NPLOC4: variants seen among roughly 807,000 people sequenced by gnomAD.
NPLOC4 encodes nuclear protein localization protein 4 homolog.
A neutral mutation model predicts 80.6 loss-of-function variants in NPLOC4; 18 were observed. That is an observed-to-expected ratio of 0.22 (90% CI 0.15 to 0.33). NPLOC4 has a LOEUF of 0.33. Among genes scored for constraint, NPLOC4 ranks in the 10% least tolerant of loss-of-function variants. The pLI is 1.00. For missense variants in NPLOC4, 540 were observed against 786.1 expected (o/e 0.69, Z 3.74); for synonymous variants, 313 against 301.5 (o/e 1.04, Z -0.39).
At chr17:81,627,584 A>G (rs1405116696) in intron 2 of NPLOC4, among the ~76,000 whole-genome samples, 1 of 151,906 alleles carries the variant, frequency 6.6e-6, no homozygotes, top group Admixed American at 6.6e-5. Flanking sequence ...TATTAAAAAG[A>G]CAAACTTAGC....
At chr17:81,593,566 T>C (rs1467277664) in intron 11 of NPLOC4, among the ~76,000 whole-genome samples, 1 of 151,926 alleles carries the variant, frequency 6.6e-6, no homozygotes, top group Non-Finnish European at 1.5e-5. Context: ...TATTTCTGCA[T>C]AGTAAAGGGG....
At chr17:81,619,661 T>G (rs936683898) in intron 3 of NPLOC4, among the ~76,000 whole-genome samples, 4 of 151,682 alleles carry the variant, frequency 2.6e-5, no homozygotes, top group Non-Finnish European at 4.4e-5. Context: ...GGTGAATCAC[T>G]TGAGGTCAAG....
chr17:81,601,658 A>C (rs879909746), intron 8 of NPLOC4, among the ~76,000 whole-genome samples: 5 of 152,214 alleles, frequency 3.3e-5, no homozygotes, highest in Admixed American at 6.5e-5. Flanking sequence ...CATCCTGAGT[A>C]CAGCACAGTG....
Position 81,606,803 on chromosome 17 carries a change from A to C in NPLOC4, c.542T>G (p.Val181Gly), listed in dbSNP as rs757026400. ...LTGGADKGKF[V>G]ALENISCKIK... Reference sequence around the variant, plus strand: ...CTTGCAGCTGATGTTCTCCAGGGCAACAAACTTCCCCCTACATAGAAGAGA... The same window carrying C: ...CTTGCAGCTGATGTTCTCCAGGGCACCAAACTTCCCCCTACATAGAAGAGA... The change falls in exon 7 of 17, where the codon GTT becomes GGT. Residue 181 changes from valine to glycine, a missense_variant. By Grantham distance (109) the Val-to-Gly change is moderately radical (BLOSUM62 -3). Coordinates refer to ENST00000331134, the MANE Select transcript of NPLOC4 (RefSeq NM_017921.4). The C allele has an allele frequency of 1.2e-6, 2 of 1,610,426 alleles. No individual in the cohort carries two copies. The highest frequency in any genetic ancestry group is 3.4e-5 in the Admixed American group (2 of 59,482).
intron 5 of NPLOC4, among the ~76,000 whole-genome samples, chr17:81,609,882 AATG>A (rs2144239653): frequency 6.6e-6 from 1 of 152,338 alleles, no homozygotes; most frequent in South Asian, 2.1e-4. Flanking sequence ...GTAAATCAAC[AATG>A]ATAAGCACGG....
chr17:81,588,539 A>C (rs9900215), intron 12 of NPLOC4, among the ~76,000 whole-genome samples: 3 of 152,052 alleles, frequency 2.0e-5, no homozygotes, highest in African/African-American at 7.2e-5. Context: ...GTAGAGACAC[A>C]GTCTCGCTAT....
intron 12 of NPLOC4, among the ~76,000 whole-genome samples, chr17:81,574,937 A>G (rs983497802): frequency 6.6e-6 from 1 of 152,194 alleles, no homozygotes; most frequent in Admixed American, 6.5e-5. Context: ...CCAGGACAAC[A>G]GTGAATTCCA....
chr17:81,602,348 AC>A (rs2035078687), intron 8 of NPLOC4, among the ~76,000 whole-genome samples: 2 of 152,144 alleles, frequency 1.3e-5, no homozygotes, highest in African/African-American at 2.4e-5. Context: ...GGAGTTTGAG[AC>A]CAGCGTGGGC....
chr17:81,564,295 C>T (rs1408507426), intron 16 of NPLOC4: 1 of 157,202 alleles, frequency 6.4e-6, no homozygotes, highest in Non-Finnish European at 1.4e-5. Context: ...TAAAAAGCAA[C>T]AACAAAGCCC....
rs186648163 is a variant in NPLOC4 at position 81,558,569 on chromosome 17, G to C, written c.*690C>G. On this transcript the variant is annotated 3_prime_UTR_variant, in exon 17 of 17. Transcript: ENST00000331134. ...AACTAGTCTCTCTCACTCCCCTTTTGTGCAGTTTTTATCTTAAAAAAAAAT... is the reference window on the plus strand; with the variant it reads ...AACTAGTCTCTCTCACTCCCCTTTTCTGCAGTTTTTATCTTAAAAAAAAAT... 1 of 152,222 alleles carries C rather than the reference G, an allele frequency of 6.6e-6. No homozygotes were observed. The highest frequency in any genetic ancestry group is 1.5e-5 in the Non-Finnish European group (1 of 68,006). 9.4% of individuals were successfully genotyped at this position (152,222 alleles called of 1,614,324 possible).
chr17:81,624,497 G>A (rs1032706404), intron 2 of NPLOC4, among the ~76,000 whole-genome samples: 1 of 152,118 alleles, frequency 6.6e-6, no homozygotes, highest in South Asian at 2.1e-4. Context: ...TAGTCGGTGG[G>A]CTGAGACAGG....
At chr17:81,560,189 G>A (rs775149333) in intron 16 of NPLOC4, among the ~76,000 whole-genome samples, 2 of 151,652 alleles carry the variant, frequency 1.3e-5, no homozygotes, top group South Asian at 2.1e-4. Flanking sequence ...AGGCCGAGGC[G>A]GGTGGATCAC....
At position 81,567,356 on chromosome 17, in the gene NPLOC4, C is replaced by A; in HGVS notation, c.1566+61G>T. ...GTCTGGGAGGAAAGAAAGCAAGACA[C>A]AGGCGTCTCTTTGCAGCCAAAGCCC... On this transcript the variant is annotated intron_variant, in intron 15 of 16. Transcript: ENST00000331134. This position sits in a 1 kb window ranked among gnomAD's most constrained non-coding sequence, Gnocchi z 4.5. 2.0e-6 allele frequency: 2 copies of A among 991,474 alleles called. No individual in the cohort carries two copies. Among genetic ancestry groups the A allele is most frequent in the South Asian group, 1.4e-5 (1 of 73,302 alleles). The allele number at this position is 991,474 out of a possible 1,614,324, so 61.4% of individuals were successfully genotyped here. A position where few individuals can be genotyped will look rare whatever the true frequency, so the allele number is the denominator to read the frequency against.
intron 1 of NPLOC4, chr17:81,636,259 C>G (rs8079963): frequency 6.6e-6 from 1 of 152,150 alleles, no homozygotes; most frequent in Non-Finnish European, 1.5e-5. Flanking sequence ...GCGTGAGCCA[C>G]TGCGCCGGGC....
chr17:81,575,395 C>T lies in NPLOC4; in HGVS notation c.1282-3307G>A, dbSNP rs142926109. Among the ~76,000 whole-genome samples the T allele has an allele frequency of 5.5e-3, 838 of 152,338 alleles. 11 individuals are homozygous for T. Among genetic ancestry groups the T allele is most frequent in the African/African-American group, 0.019 (786 of 41,574 alleles). ...GGACTACAGGCGTGAGCCACAGCGCCCAGCTGACACTTGGTTTCTTAAAAG... is the reference window on the plus strand; with the variant it reads ...GGACTACAGGCGTGAGCCACAGCGCTCAGCTGACACTTGGTTTCTTAAAAG... On this transcript the variant is annotated intron_variant, in intron 12 of 16. Coordinates refer to ENST00000331134, the MANE Select transcript of NPLOC4 (RefSeq NM_017921.4).
intron 16 of NPLOC4, among the ~76,000 whole-genome samples, chr17:81,560,296 C>T (rs1052225229): frequency 6.6e-6 from 1 of 152,070 alleles, no homozygotes; most frequent in African/African-American, 2.4e-5. Flanking sequence ...ACCTGCCGTT[C>T]CGGCTACTCA....
At chr17:81,566,175 TACA>T (rs904384008) in intron 15 of NPLOC4, among the ~76,000 whole-genome samples, 1 of 151,994 alleles carries the variant, frequency 6.6e-6, no homozygotes, top group Non-Finnish European at 1.5e-5. Flanking sequence ...CTACTAAAAA[TACA>T]ACAATTAGAC....
intron 1 of NPLOC4, among the ~76,000 whole-genome samples, chr17:81,630,498 C>G (rs1034405910): frequency 1.3e-5 from 2 of 151,948 alleles, no homozygotes; most frequent in Admixed American, 6.6e-5. Context: ...CCAGGCTGAT[C>G]TCGAGCTCCG....
intron 12 of NPLOC4, among the ~76,000 whole-genome samples, chr17:81,587,794 G>A (rs1333630099): frequency 2.1e-5 from 3 of 143,480 alleles, no homozygotes; most frequent in Admixed American, 7.3e-5. Flanking sequence ...TCAGCCTCCC[G>A]AGTAGCTGGG....
Sources: allele counts gnomAD v4.1 joint callset (sites outside exome capture counted in the v4.1 genomes callset), GRCh38; gene constraint gnomAD v4.1.1; non-coding constraint Gnocchi (gnomAD v3.1); transcripts MANE v1.5; gene names NCBI Gene and HGNC (gene_info 2026-07-23, HGNC 2026-07-21).